The following NOMO3 variants were observed in gnomAD, a reference collection of about 807,000 sequenced individuals.
NOMO3 encodes BOS complex subunit NOMO3.
In NOMO3, 15 loss-of-function variants were observed where a neutral mutation model predicts 69.9. The ratio of observed to expected loss-of-function variants is 0.21; its 90% CI spans 0.14 to 0.33. The LOEUF (loss-of-function observed/expected upper bound fraction) is 0.33. Among genes scored for constraint, NOMO3 ranks in the 10% least tolerant of loss-of-function variants. The pLI is 1.00. For synonymous variants in NOMO3, 89 were observed against 301.9 expected (o/e 0.29, Z 7.31); for missense variants, 218 against 761.0 (o/e 0.29, Z 8.39).
intron 1 of NOMO3, among the ~76,000 whole-genome samples, chr16:16,236,386 C>T (rs1263819158): frequency 7.1e-6 from 1 of 141,152 alleles, no homozygotes; most frequent in Admixed American, 6.9e-5. Flanking sequence ...CTGGGACTAC[C>T]GGTGCCTGCC....
chr16:16,239,316 A>G (rs2856521), intron 2 of NOMO3, among the ~76,000 whole-genome samples: 6 of 142,782 alleles, frequency 4.2e-5, no homozygotes, highest in East Asian at 2.3e-4. Flanking sequence ...ACACCCAGCT[A>G]ATTTTTTAAG....
intron 13 of NOMO3, 142 bp downstream of exon 13, chr16:16,263,357 G>A: frequency 6.3e-7 from 1 of 1,575,390 alleles, no homozygotes; most frequent in Non-Finnish European, 8.6e-7. Flanking sequence ...AGTCAGGTGG[G>A]TACATGTTAA....
chr16:16,237,185 G>A (rs1291510408), intron 2 of NOMO3, among the ~76,000 whole-genome samples, 195 bp downstream of exon 2: 2 of 144,840 alleles, frequency 1.4e-5, no homozygotes, highest in Non-Finnish European at 1.5e-5. Context: ...CTCTCTCTGT[G>A]TTTAGGACCA....
chr16:16,259,414 T>C (rs1248917029), intron 11 of NOMO3, among the ~76,000 whole-genome samples: 1 of 141,494 alleles, frequency 7.1e-6, no homozygotes, highest in Non-Finnish European at 1.5e-5. Flanking sequence ...GGTGGCGCCA[T>C]CTCGGCTCAC....
intron 2 of NOMO3, among the ~76,000 whole-genome samples, chr16:16,239,105 A>G: frequency 7.0e-6 from 1 of 142,790 alleles, no homozygotes; most frequent in African/African-American, 2.8e-5. Flanking sequence ...ACAAAAACAG[A>G]AACCAGGGTT....
In NOMO3 at chr16:16,254,394, T is replaced by C. The variant is rs533696003; in HGVS notation, c.964-1326T>C. 7.0e-5 allele frequency among the ~76,000 whole-genome samples: 10 copies of C among 142,704 alleles called. 1 individual carries two copies. 93.6% of individuals were successfully genotyped at this position (142,704 alleles called of 152,430 possible). Reference sequence around the variant, plus strand: ...CATATGTGAATTAATAAGTAGGTAATGCATGGAATGAAACATGTCTTTTTG... The same window carrying C: ...CATATGTGAATTAATAAGTAGGTAACGCATGGAATGAAACATGTCTTTTTG... On this transcript the variant is annotated intron_variant, in intron 9 of 30. Coordinates refer to ENST00000399336, the MANE Select transcript of NOMO3 (RefSeq NM_001004067.4).
chr16:16,254,285 T>C lies in NOMO3; in HGVS notation c.964-1435T>C, dbSNP rs1432101781. The stretch of plus-strand genomic sequence containing the variant: ...CTGTAAGTTCCCTGAGGTCAGGTAC[T>C]GTGTCTTATTCTTTACTGTTTTCCT... On this transcript the variant is annotated intron_variant, in intron 9 of 30. Coordinates refer to ENST00000399336, the MANE Select transcript of NOMO3 (RefSeq NM_001004067.4). 6.4e-3 allele frequency among the ~76,000 whole-genome samples: 888 copies of C among 137,976 alleles called. 6 individuals carry two copies. The highest frequency in any genetic ancestry group is 8.3e-3 in the African/African-American group (272 of 32,756). 90.5% of individuals were successfully genotyped at this position (137,976 alleles called of 152,430 possible).
At chr16:16,235,454 T>C (rs1227302615) in intron 1 of NOMO3, among the ~76,000 whole-genome samples, 2 of 149,276 alleles carry the variant, frequency 1.3e-5, no homozygotes, top group East Asian at 4.0e-4. Context: ...TACACTGTGT[T>C]GCCTTTTTCT....
chr16:16,232,590 G>A lies in NOMO3; in HGVS notation c.-77G>A. The A allele has an allele frequency of 1.4e-6, 1 of 735,716 alleles. No homozygotes were observed. Among genetic ancestry groups the A allele is most frequent in the South Asian group, 4.7e-5 (1 of 21,312 alleles). 45.6% of individuals were successfully genotyped at this position (735,716 alleles called of 1,614,324 possible). A position where few individuals can be genotyped will look rare whatever the true frequency, so the allele number is the denominator to read the frequency against. On this transcript the variant is annotated 5_prime_UTR_variant, in exon 1 of 31. Coordinates refer to ENST00000399336, the MANE Select transcript of NOMO3 (RefSeq NM_001004067.4). Reference sequence around the variant, plus strand: ...TGGGCTGTCAGCCGGCCTAGGAGGAGGAAGGAGCCTGCGGCGTGCAGTGTG... The same window carrying A: ...TGGGCTGTCAGCCGGCCTAGGAGGAAGAAGGAGCCTGCGGCGTGCAGTGTG...
chr16:16,250,749 GCACT>G (rs1223842225), intron 6 of NOMO3, among the ~76,000 whole-genome samples, 175 bp from the exon 7 acceptor site: 1 of 88,860 alleles, frequency 1.1e-5, no homozygotes, highest in Non-Finnish European at 2.0e-5. Context: ...TTGCACCATT[GCACT>G]CAAGCCTGTG....
At chr16:16,265,637 GATATATATAT>G (rs1160088009) in intron 15 of NOMO3, among the ~76,000 whole-genome samples, 7 of 42,378 alleles carry the variant, frequency 1.7e-4, no homozygotes, top group African/African-American at 8.4e-4. Flanking sequence ...GAGTTTCTCT[GATATATATAT>G]ATATATATAT....
At chr16:16,262,897 C>T (rs575818955) in intron 12 of NOMO3, among the ~76,000 whole-genome samples, 177 bp from the exon 13 acceptor site, 1 of 143,108 alleles carries the variant, frequency 7.0e-6, no homozygotes, top group South Asian at 2.2e-4. Flanking sequence ...TAGAACCGTG[C>T]TTACTTCACA....
At chr16:16,268,195 C>T (rs1484857438) in intron 16 of NOMO3, among the ~76,000 whole-genome samples, 2 of 144,082 alleles carry the variant, frequency 1.4e-5, no homozygotes, top group East Asian at 2.2e-4. Flanking sequence ...ACTAATGTTA[C>T]GGACATTCTT....
At position 16,261,466 on chromosome 16, in the gene NOMO3, G is replaced by A; in HGVS notation, c.1221-36G>A. ...TAAGAGCCTTTCCTGTTATAATTGA[G>A]TCCTCGTGCTGGAATGAATGGTCTT... On this transcript the variant is annotated intron_variant, in intron 11 of 30. Coordinates refer to ENST00000399336, the MANE Select transcript of NOMO3 (RefSeq NM_001004067.4). 4 of 1,569,256 alleles carry A rather than the reference G, an allele frequency of 2.5e-6. 1 individual carries two copies. The East Asian group carries it at 7.4e-5, about 29-fold the overall frequency.
At chr16:16,240,711 C>G (rs1385713549) in intron 3 of NOMO3, among the ~76,000 whole-genome samples, 1 of 143,584 alleles carries the variant, frequency 7.0e-6, no homozygotes, top group East Asian at 2.3e-4. Flanking sequence ...GACCCCAGTC[C>G]ATGGCTTGGG....
Position 16,265,260 on chromosome 16 carries a change from T to A in NOMO3, c.1806+81T>A, listed in dbSNP as rs529188496. 5.8e-4 allele frequency: 920 copies of A among 1,587,786 alleles called. 70 individuals carry two copies. The Middle Eastern group carries it at 7.3e-3, about 13-fold the overall frequency. On this transcript the variant is annotated intron_variant, in intron 15 of 30. Transcript: ENST00000399336. ...AAGAAAGACTAACATCCCAGGAATA[T>A]TGTAAACGTAGGCAAGTCAGATTTC...
chr16:16,268,532 C>G (rs1276689728), intron 16 of NOMO3, among the ~76,000 whole-genome samples: 3 of 143,596 alleles, frequency 2.1e-5, no homozygotes, highest in Admixed American at 1.3e-4. Flanking sequence ...ATACAAACTC[C>G]TTAACCTGAT....
chr16:16,237,393 A>C lies in NOMO3; in HGVS notation c.255+403A>C, dbSNP rs944949454. Among the ~76,000 whole-genome samples the C allele has an allele frequency of 3.7e-4, 53 of 144,636 alleles. 6 individuals are homozygous for C. The highest frequency in any genetic ancestry group is 6.7e-4 in the East Asian group (3 of 4,498). The allele number at this position is 144,636 out of a possible 152,430, so 94.9% of individuals were successfully genotyped here. A position where few individuals can be genotyped will look rare whatever the true frequency, so the allele number is the denominator to read the frequency against. ...CAAGCAGCTTAAAGTATTGTTAAAA[A>C]AATTGTACAAGTAATACATGAATTC... On this transcript the variant is annotated intron_variant, in intron 2 of 30. Coordinates refer to ENST00000399336, the MANE Select transcript of NOMO3 (RefSeq NM_001004067.4).
At chr16:16,262,917 C>T (rs1451637301) in intron 12 of NOMO3, among the ~76,000 whole-genome samples, 157 bp from the exon 13 acceptor site, 1 of 143,088 alleles carries the variant, frequency 7.0e-6, no homozygotes, top group African/African-American at 2.9e-5. Flanking sequence ...ACAAGTTATT[C>T]GTGGATTTGT....
Sources: allele counts gnomAD v4.1 joint callset (sites outside exome capture counted in the v4.1 genomes callset), GRCh38; gene constraint gnomAD v4.1.1; transcripts MANE v1.5; gene names NCBI Gene and HGNC (gene_info 2026-07-23, HGNC 2026-07-21).